Variants in PARP14 observed in about 807,000 individuals in gnomAD.
The protein encoded by PARP14 is protein mono-ADP-ribosyltransferase PARP14.
PARP14 carries 59 observed loss-of-function variants against 154.2 expected under a neutral mutation model. That is an observed-to-expected ratio of 0.38 (90% CI 0.31 to 0.48). The LOEUF is 0.48. Ranked by LOEUF, PARP14 falls within the 20% of genes least tolerant of loss-of-function variation. The pLI is 0.98. For synonymous variants in PARP14, 720 were observed against 780.5 expected, an observed-to-expected ratio of 0.92 and a Z score of 1.29; for missense variants, 1,734 against 2,131.6, an observed-to-expected ratio of 0.81 and a Z score of 3.67.
rs373516347 is a variant in PARP14 at position 122,700,737 on chromosome 3, T to A, written c.2183T>A (p.Val728Glu). 34 of 1,613,224 alleles carry A rather than the reference T, an allele frequency of 2.1e-5. No individual in the cohort carries two copies. The African/African-American group carries it at 4.0e-4, about 19-fold the overall frequency. The change falls in exon 6 of 17, where the codon GTG (valine) becomes GAG (glutamate). Residue 728 changes from valine to glutamate, a missense_variant. Transcript: ENST00000474629. ...TGSKTEVLKA[V>E]DIVKQVWDSV... ...TCAAAGACCGAAGTACTGAAGGCAGTGGACATTGTCAAGCAAGTCTGGGAT... is the reference window on the plus strand; with the variant it reads ...TCAAAGACCGAAGTACTGAAGGCAGAGGACATTGTCAAGCAAGTCTGGGAT...
chr3:122,713,352 A>G, intron 9 of PARP14, 72 bp from the exon 10 acceptor site: 8 of 1,314,724 alleles, frequency 6.1e-6, no homozygotes, highest in Non-Finnish European at 7.4e-6. Context: ...AGAGGGTCCC[A>G]TGTGAGCAGG....
chr3:122,688,403 T>C (rs745745720), intron 3 of PARP14, among the ~76,000 whole-genome samples: 1 of 152,212 alleles, frequency 6.6e-6, no homozygotes, highest in Non-Finnish European at 1.5e-5. Context: ...CTCCCAAATG[T>C]ATTCCCAGCG....
intron 1 of PARP14, among the ~76,000 whole-genome samples, chr3:122,682,369 G>A (rs1344418551): frequency 6.6e-6 from 1 of 152,064 alleles, no homozygotes; most frequent in Non-Finnish European, 1.5e-5. Flanking sequence ...CACCTGGAGA[G>A]CAGGTTAACC....
chr3:122,698,594 T>G (rs920583648), intron 5 of PARP14, among the ~76,000 whole-genome samples: 2 of 152,230 alleles, frequency 1.3e-5, no homozygotes, highest in African/African-American at 4.8e-5. Context: ...CTGAATTATC[T>G]GCAGTCTATG....
chr3:122,712,934 T>C (rs920360734), intron 9 of PARP14, among the ~76,000 whole-genome samples: 2 of 152,208 alleles, frequency 1.3e-5, no homozygotes, highest in South Asian at 2.1e-4. Context: ...AATTTTGGAA[T>C]ACAGACTTGA....
rs376757931 is a variant in PARP14 at position 122,681,651 on chromosome 3, C to G, written c.187+581C>G. Reference sequence around the variant, plus strand: ...TCGATCGACCACAGGTGCCCATTGTCGAGGGCCTGCCGGGGCCTCTTCTCC... The same window carrying G: ...TCGATCGACCACAGGTGCCCATTGTGGAGGGCCTGCCGGGGCCTCTTCTCC... On this transcript the variant is annotated intron_variant, in intron 1 of 16. Coordinates refer to ENST00000474629, the MANE Select transcript of PARP14 (RefSeq NM_017554.3). This position sits in a 1 kb window ranked among gnomAD's most constrained non-coding sequence, Gnocchi z 5.5. 1.1e-4 allele frequency among the ~76,000 whole-genome samples: 16 copies of G among 152,128 alleles called. No homozygotes were observed. Among genetic ancestry groups the G allele is most frequent in the African/African-American group, 3.9e-4 (16 of 41,420 alleles).
intron 7 of PARP14, 52 bp from the exon 8 acceptor site, chr3:122,704,475 C>G: frequency 8.6e-7 from 1 of 1,167,386 alleles, no homozygotes; most frequent in Non-Finnish European, 1.2e-6. Context: ...CCTTTTTGTT[C>G]TAACTCCCAT....
In PARP14 at chr3:122,692,341, T is replaced by C. The variant is rs1452827243; in HGVS notation, c.396T>C (p.Gly132=). The part of the protein sequence containing the change: ...EELDTKLPLD[G]GLDKMEDIPE... ...TGGATACAAAACTCCCTCTTGATGGTGGATTAGACAAAATGGAAGATATCC... is the reference window on the plus strand; with the variant it reads ...TGGATACAAAACTCCCTCTTGATGGCGGATTAGACAAAATGGAAGATATCC... Residue 132 remains glycine, a synonymous_variant, in exon 4 of 17, where the codon GGT becomes GGC. Coordinates refer to ENST00000474629, the MANE Select transcript of PARP14 (RefSeq NM_017554.3). 6.2e-7 allele frequency: 1 copy of C among 1,613,044 alleles called. No individual in the cohort carries two copies. The highest frequency in any genetic ancestry group is 8.5e-7 in the Non-Finnish European group (1 of 1,179,100).
rs759410293 is a variant in PARP14, at chr3:122,700,382, C to A, written c.1828C>A (p.His610Asn). 8.7e-6 allele frequency: 14 copies of A among 1,613,852 alleles called. No homozygotes were observed. In the Admixed American group the frequency reaches 2.0e-4, roughly 23 times the overall value. Reference sequence around the variant, plus strand: ...TGAAGTTGAGAACAAAGAAGTTCTTCATGGCAAGAAATGGAAAGGGCTCAC... The same window carrying A: ...TGAAGTTGAGAACAAAGAAGTTCTTAATGGCAAGAAATGGAAAGGGCTCAC... ...RIEVENKEVL[H>N]GKKWKGLTHN... Residue 610 changes from histidine (H) to asparagine (N), a missense_variant, in exon 6 of 17, where the codon CAT (histidine) becomes AAT (asparagine). By Grantham distance (68) the His-to-Asn change is moderately conservative. This residue lies in a region of PARP14 where 1,646 missense variants were observed against 1,976.0 expected (regional missense o/e 0.83). Transcript: ENST00000474629.
chr3:122,691,734 A>G (rs908420323), intron 3 of PARP14, among the ~76,000 whole-genome samples: 1 of 152,206 alleles, frequency 6.6e-6, no homozygotes, highest in East Asian at 1.9e-4. Context: ...GCTTTGTTGA[A>G]TAATTTTAGT....
intron 1 of PARP14, among the ~76,000 whole-genome samples, chr3:122,682,676 C>G (rs1391930764): frequency 1.3e-5 from 2 of 152,200 alleles, no homozygotes; most frequent in Non-Finnish European, 2.9e-5. Context: ...CCCCAGCCCA[C>G]TACTCCTCTT....
At chr3:122,724,115 T>A (rs1933224496) in intron 15 of PARP14, among the ~76,000 whole-genome samples, 1 of 152,172 alleles carries the variant, frequency 6.6e-6, no homozygotes, top group Non-Finnish European at 1.5e-5. Flanking sequence ...TTGCTTATCC[T>A]GTACTTTCCT....
chr3:122,697,334 G>C (rs561308323), intron 5 of PARP14, among the ~76,000 whole-genome samples: 1 of 152,200 alleles, frequency 6.6e-6, no homozygotes, highest in African/African-American at 2.4e-5. Flanking sequence ...CAGTCTTATG[G>C]GCATCTTGAT....
At chr3:122,690,136 A>G (rs763877701) in intron 3 of PARP14, among the ~76,000 whole-genome samples, 7 of 152,156 alleles carry the variant, frequency 4.6e-5, no homozygotes, top group African/African-American at 1.7e-4. Context: ...TTTTTGGTCA[A>G]TTAAGCCTTT....
chr3:122,712,845 G>A lies in PARP14; in HGVS notation c.3620-579G>A, dbSNP rs1183962609. 2.0e-5 allele frequency among the ~76,000 whole-genome samples: 3 copies of A among 152,218 alleles called. No homozygotes were observed. In the East Asian group the frequency reaches 5.8e-4, roughly 29 times the overall value. ...TGGGATTGCAGACATGAGCCATTGT[G>A]TCTGGCTGGATTGACAGCTTTTGAT... On this transcript the variant is annotated intron_variant, in intron 9 of 16. Transcript: ENST00000474629.
chr3:122,689,920 A>G (rs1938487139), intron 3 of PARP14, among the ~76,000 whole-genome samples: 1 of 152,102 alleles, frequency 6.6e-6, no homozygotes, highest in Non-Finnish European at 1.5e-5. Context: ...CATCAGTCAA[A>G]TCACTGTTTT....
At chr3:122,688,303 A>T (rs1938435428) in intron 3 of PARP14, among the ~76,000 whole-genome samples, 1 of 152,220 alleles carries the variant, frequency 6.6e-6, no homozygotes, top group East Asian at 1.9e-4. Flanking sequence ...TCTAAAATTT[A>T]ATCACATCTG....
chr3:122,699,942 A>G lies in PARP14; in HGVS notation c.1388A>G (p.Glu463Gly). The G allele has an allele frequency of 6.2e-7, 1 of 1,613,946 alleles. No individual in the cohort carries two copies. Among genetic ancestry groups the G allele is most frequent in the South Asian group, 1.1e-5 (1 of 91,076 alleles). ...AGCACTACTCAAAAAATTAAAAGGG[A>G]AGAGCAAAGTTTGAAGGAAAAAATG... is the stretch of plus-strand genomic sequence containing the variant. ...IESTTQKIKR[E>G]EQSLKEKMII... is the part of the protein sequence containing the mutation. The change falls in exon 6 of 17, where the codon GAA (glutamate) becomes GGA (glycine). Residue 463 changes from glutamate to glycine, a missense_variant. Physicochemically the swap from Glu to Gly is moderately conservative, Grantham distance 98. Transcript: ENST00000474629.
chr3:122,685,526 T>C (rs1938345279), intron 2 of PARP14, among the ~76,000 whole-genome samples: 2 of 151,108 alleles, frequency 1.3e-5, no homozygotes, highest in Non-Finnish European at 3.0e-5. Context: ...TTTTTTTTTT[T>C]TGAGACGGAG....
Sources: allele counts gnomAD v4.1 joint callset (sites outside exome capture counted in the v4.1 genomes callset), GRCh38; gene constraint gnomAD v4.1.1; regional missense constraint gnomAD v4.1.1; non-coding constraint Gnocchi (gnomAD v3.1); transcripts MANE v1.5; gene names NCBI Gene and HGNC (gene_info 2026-07-23, HGNC 2026-07-21).